Variants in CCPG1 observed in about 807,000 individuals in gnomAD.
CCPG1 encodes cell cycle progression 1.
CCPG1 carries 46 observed loss-of-function variants against 81.3 expected under a neutral mutation model. The ratio of observed to expected loss-of-function variants is 0.57; its 90% CI spans 0.45 to 0.72. The LOEUF (loss-of-function observed/expected upper bound fraction) is 0.72. Among genes scored for constraint, CCPG1 ranks in the 30% least tolerant of loss-of-function variants. CCPG1 has a pLI of 0.00. For missense variants in CCPG1, 902 were observed against 937.6 expected (o/e 0.96, Z 0.50); for synonymous variants, 330 against 305.2 (o/e 1.08, Z -0.85).
intron 3 of CCPG1, among the ~76,000 whole-genome samples, chr15:55,380,574 C>T (rs1365438592): frequency 6.6e-6 from 1 of 151,810 alleles, no homozygotes; most frequent in African/African-American, 2.4e-5. Flanking sequence ...GGATTATAGG[C>T]ATGAGCTACC....
intron 8 of CCPG1, chr15:55,359,163 T>C: frequency 3.1e-6 from 3 of 979,120 alleles, no homozygotes; most frequent in Non-Finnish European, 3.6e-6. Context: ...TGCTCATTCC[T>C]AGCTTCCAAA....
At chr15:55,393,657 T>C (rs1046448032) in intron 1 of CCPG1, among the ~76,000 whole-genome samples, 1 of 152,118 alleles carries the variant, frequency 6.6e-6, no homozygotes, top group African/African-American at 2.4e-5. Context: ...GGATGCAAGG[T>C]CTCACTCTGT....
chr15:55,371,704 G>T, intron 6 of CCPG1, 89 bp downstream of exon 6: 1 of 1,294,592 alleles, frequency 7.7e-7, no homozygotes, highest in Non-Finnish European at 1.1e-6. Context: ...TTTAATAATG[G>T]CACTGAAAAC....
intron 3 of CCPG1, among the ~76,000 whole-genome samples, chr15:55,383,580 C>A (rs1310862067): frequency 6.6e-6 from 1 of 152,242 alleles, no homozygotes; most frequent in South Asian, 2.1e-4. Context: ...GTCATCTATA[C>A]TGAAAATCTG....
chr15:55,389,897 G>A (rs116457751), intron 1 of CCPG1, among the ~76,000 whole-genome samples: 17 of 152,338 alleles, frequency 1.1e-4, no homozygotes, highest in African/African-American at 3.8e-4. Context: ...GCAACATGAA[G>A]TAATTTACAT....
At chr15:55,405,463 C>T (rs2057200262) in intron 1 of CCPG1, among the ~76,000 whole-genome samples, 1 of 152,074 alleles carries the variant, frequency 6.6e-6, no homozygotes, top group African/African-American at 2.4e-5. Flanking sequence ...GCTTGAATCA[C>T]ACTGTAATCC....
At chr15:55,377,571 C>T (rs560505339) in intron 4 of CCPG1, among the ~76,000 whole-genome samples, 1,629 of 152,320 alleles carry the variant, frequency 0.011, 16 homozygotes, top group Non-Finnish European at 0.017. Flanking sequence ...CTGAATGTAT[C>T]TGAAGGTGTC....
At chr15:55,406,637 G>C (rs571154138) in intron 1 of CCPG1, among the ~76,000 whole-genome samples, 3 of 151,536 alleles carry the variant, frequency 2.0e-5, no homozygotes, top group East Asian at 4.0e-4. Flanking sequence ...GTTTCACCGT[G>C]TCGGCCAGGC....
chr15:55,402,689 T>C (rs2057149558), intron 1 of CCPG1, among the ~76,000 whole-genome samples: 1 of 152,244 alleles, frequency 6.6e-6, no homozygotes, highest in Non-Finnish European at 1.5e-5. Flanking sequence ...CAAAGACTAA[T>C]GCTTTAAACA....
At chr15:55,391,128 CTTTAT>C (rs781439496) in intron 1 of CCPG1, among the ~76,000 whole-genome samples, 7 of 152,260 alleles carry the variant, frequency 4.6e-5, no homozygotes, top group Admixed American at 2.0e-4. Flanking sequence ...TATTTCTTTT[CTTTAT>C]TTTGAGTGTG....
At chr15:55,399,359 G>A (rs1224471396) in intron 1 of CCPG1, among the ~76,000 whole-genome samples, 3 of 149,430 alleles carry the variant, frequency 2.0e-5, no homozygotes, top group Non-Finnish European at 4.4e-5. Flanking sequence ...TGTCAGGTCG[G>A]GTACAGTTCC....
rs2141281709 is a variant in CCPG1 at position 55,377,164 on chromosome 15, A to T, written c.253-14T>A. ...TTGTTCCTCTGCCTGAAGAATCATA[A>T]TTTTAGAGATGGTAAGTTCAACAAT... On this transcript the variant is annotated splice_polypyrimidine_tract_variant and intron_variant, in intron 4 of 8. Coordinates refer to ENST00000442196, the MANE Select transcript of CCPG1 (RefSeq NM_001204450.2). 1 of 1,574,442 alleles carries T rather than the reference A, an allele frequency of 6.4e-7. No individual in the cohort carries two copies. The highest frequency in any genetic ancestry group is 1.3e-5 in the African/African-American group (1 of 74,096).
intron 3 of CCPG1, among the ~76,000 whole-genome samples, chr15:55,381,796 C>T (rs1016946762): frequency 5.7e-5 from 6 of 104,650 alleles, no homozygotes; most frequent in African/African-American, 1.9e-4. Context: ...TGCATCAAAT[C>T]CCATGTGAAG....
intron 1 of CCPG1, among the ~76,000 whole-genome samples, chr15:55,391,162 A>T (rs1436896451): frequency 3.9e-5 from 6 of 152,220 alleles, no homozygotes; most frequent in Admixed American, 3.9e-4. Context: ...CCGTTCTGTC[A>T]TACAGGCTTG....
At chr15:55,396,154 CAAA>C (rs57419686) in intron 1 of CCPG1, among the ~76,000 whole-genome samples, 210 of 123,042 alleles carry the variant, frequency 1.7e-3, no homozygotes, top group Admixed American at 2.1e-3. Context: ...ACTCCACCTC[CAAA>C]AAAAAAAAAA....
chr15:55,356,785 GCAAAA>G, intron 8 of CCPG1: 6 of 995,824 alleles, frequency 6.0e-6, no homozygotes, highest in East Asian at 1.1e-4. Context: ...CACAAACAAA[GCAAAA>G]CAAAAGTCTC....
Position 55,384,856 on chromosome 15 carries a change from A to G in CCPG1, c.175+744T>C, listed in dbSNP as rs77731036. Among the ~76,000 whole-genome samples, 1,117 of 152,334 alleles carry G rather than the reference A, an allele frequency of 7.3e-3. 9 individuals are homozygous for G. The highest frequency in any genetic ancestry group is 8.6e-3 in the Non-Finnish European group (582 of 68,030). On this transcript the variant is annotated intron_variant, in intron 3 of 8. Transcript: ENST00000442196. The stretch of plus-strand genomic sequence containing the variant: ...AGCAAAGCAGAATAAAATGAGAGGC[A>G]TGTCTGTAACTCCATCAACATGATA...
chr15:55,372,618 C>T (rs771443507), intron 5 of CCPG1: 7 of 209,136 alleles, frequency 3.3e-5, no homozygotes, highest in Non-Finnish European at 5.8e-5. Context: ...GAGATCCTGC[C>T]ACTATACTCC....
At chr15:55,392,990 G>A (rs1200047245) in intron 1 of CCPG1, among the ~76,000 whole-genome samples, 1 of 152,178 alleles carries the variant, frequency 6.6e-6, no homozygotes, top group Non-Finnish European at 1.5e-5. Context: ...TGTAATCCCA[G>A]CTACTCGAGA....
Sources: gnomAD v4.1 joint callset for allele counts (sites outside exome capture counted in the v4.1 genomes callset) on GRCh38, gnomAD v4.1.1 for gene constraint, MANE v1.5 for transcripts, NCBI Gene and HGNC (gene_info 2026-07-23, HGNC 2026-07-21) for gene names.